The following ANKS1B variants were observed in gnomAD, a reference collection of about 807,000 sequenced individuals.
ANKS1B encodes ankyrin repeat and sterile alpha motif domain-containing protein 1B.
Under a neutral mutation model 148.3 loss-of-function variants are expected in ANKS1B, and 36 were observed. That is an observed-to-expected ratio of 0.24 (90% CI 0.19 to 0.32). The LOEUF (loss-of-function observed/expected upper bound fraction) is 0.32, where lower values mean the gene tolerates loss of function less well. ANKS1B is among the 10% of genes least tolerant of loss of function. ANKS1B has a pLI of 1.00. For synonymous variants in ANKS1B, 542 were observed against 560.8 expected (o/e 0.97, Z 0.47); for missense variants, 1,157 against 1,542.6 (o/e 0.75, Z 4.19).
chr12:99,303,049 G>T (rs536652285), intron 12 of ANKS1B, among the ~76,000 whole-genome samples: 1 of 152,090 alleles, frequency 6.6e-6, no homozygotes, highest in Admixed American at 6.6e-5. Context: ...CTTAGCAAAC[G>T]CACACACCGG....
At chr12:98,910,242 T>C (rs977955280) in intron 17 of ANKS1B, among the ~76,000 whole-genome samples, 1 of 152,210 alleles carries the variant, frequency 6.6e-6, no homozygotes, top group Admixed American at 6.5e-5. Flanking sequence ...AATATACATA[T>C]ATATAGATGT....
At chr12:99,200,500 AT>A (rs770280561) in intron 14 of ANKS1B, among the ~76,000 whole-genome samples, 3 of 152,262 alleles carry the variant, frequency 2.0e-5, no homozygotes, top group East Asian at 1.9e-4. Context: ...TCAAATTATT[AT>A]TTTTTTGTCA....
intron 17 of ANKS1B, among the ~76,000 whole-genome samples, chr12:98,875,641 A>G (rs1161622016): frequency 6.6e-6 from 1 of 151,934 alleles, no homozygotes; most frequent in Non-Finnish European, 1.5e-5. Context: ...TTTCTACTCT[A>G]TCTATAAATG....
intron 17 of ANKS1B, among the ~76,000 whole-genome samples, chr12:98,883,889 T>G (rs11109647): frequency 0.1 from 15,249 of 152,226 alleles, 1,251 homozygotes; most frequent in East Asian, 0.37. Context: ...TAGAATCTGT[T>G]TTTTCGTTTC....
chr12:99,783,662 T>A (rs2064621233), intron 4 of ANKS1B, among the ~76,000 whole-genome samples: 1 of 152,082 alleles, frequency 6.6e-6, no homozygotes, highest in Non-Finnish European at 1.5e-5. Context: ...CTCACATATG[T>A]GTGAGCTAAA....
intron 8 of ANKS1B, among the ~76,000 whole-genome samples, chr12:99,688,073 A>T (rs1043354250): frequency 1.3e-5 from 2 of 152,096 alleles, no homozygotes; most frequent in African/African-American, 4.8e-5. Flanking sequence ...TCTTCTGAGT[A>T]CTCTTCCAGT....
intron 19 of ANKS1B, among the ~76,000 whole-genome samples, chr12:98,809,068 C>G (rs56134670): frequency 0.08 from 12,111 of 152,222 alleles, 1,410 homozygotes; most frequent in African/African-American, 0.26. Context: ...ACAACTGCAT[C>G]TCCACACACC....
intron 12 of ANKS1B, among the ~76,000 whole-genome samples, chr12:99,247,654 T>G (rs1177821251): frequency 6.6e-6 from 1 of 152,200 alleles, no homozygotes; most frequent in African/African-American, 2.4e-5. Flanking sequence ...CCTTTGGATT[T>G]TTTTCTAAGA....
intron 17 of ANKS1B, among the ~76,000 whole-genome samples, chr12:98,895,818 A>G (rs1596474934): frequency 6.6e-6 from 1 of 152,178 alleles, no homozygotes; most frequent in African/African-American, 2.4e-5. Flanking sequence ...TTTCCCCCCA[A>G]AAATTATGCC....
intron 17 of ANKS1B, among the ~76,000 whole-genome samples, chr12:99,023,449 T>C (rs938587841): frequency 2.6e-5 from 4 of 152,124 alleles, no homozygotes; most frequent in African/African-American, 9.7e-5. Flanking sequence ...ATTGTTGTTA[T>C]TGAAAGGTTC....
At chr12:99,843,002 T>C (rs944187592) in intron 1 of ANKS1B, among the ~76,000 whole-genome samples, 12 of 152,142 alleles carry the variant, frequency 7.9e-5, no homozygotes, top group Admixed American at 6.6e-4. Flanking sequence ...AAATTTTCTT[T>C]GTATTTCTAA....
At chr12:98,811,805 G>A (rs561794956) in intron 19 of ANKS1B, among the ~76,000 whole-genome samples, 27 of 152,060 alleles carry the variant, frequency 1.8e-4, no homozygotes, top group Non-Finnish European at 3.4e-4. Flanking sequence ...TTTCTCTTTA[G>A]GGTGTGCAGT....
chr12:99,729,147 T>C (rs2058897052), intron 8 of ANKS1B, among the ~76,000 whole-genome samples: 1 of 152,202 alleles, frequency 6.6e-6, no homozygotes, highest in South Asian at 2.1e-4. Context: ...CATGAAAATA[T>C]GCATAAATTT....
intron 11 of ANKS1B, among the ~76,000 whole-genome samples, chr12:99,411,423 T>C (rs915229502): frequency 1.3e-5 from 2 of 152,224 alleles, no homozygotes; most frequent in East Asian, 1.9e-4. Context: ...ACAGTGTATA[T>C]GTACCACATT....
At position 98,914,400 on chromosome 12, in the gene ANKS1B, A is replaced by G. The variant is rs895562469; in HGVS notation, c.2779-82264T>C. Reference sequence around the variant, plus strand: ...GCCTCAGGCATTTCTTTATAGCAACACAAGAACAGTCTAACACACTTTCAT... The same window carrying G: ...GCCTCAGGCATTTCTTTATAGCAACGCAAGAACAGTCTAACACACTTTCAT... On this transcript the variant is annotated intron_variant, in intron 17 of 26. Transcript: ENST00000683438. Among the ~76,000 whole-genome samples the G allele has an allele frequency of 5.9e-5, 9 of 152,126 alleles. 1 individual carries two copies. Among genetic ancestry groups the G allele is most frequent in the African/African-American group, 2.2e-4 (9 of 41,430 alleles).
chr12:99,655,954 C>T (rs933841075), intron 8 of ANKS1B, among the ~76,000 whole-genome samples: 1 of 152,050 alleles, frequency 6.6e-6, no homozygotes, highest in African/African-American at 2.4e-5. Context: ...GGACTGGCTA[C>T]CTGTGAAGGT....
chr12:99,352,610 A>C (rs1156263078), intron 12 of ANKS1B, among the ~76,000 whole-genome samples: 1 of 152,058 alleles, frequency 6.6e-6, no homozygotes, highest in African/African-American at 2.4e-5. Flanking sequence ...GTTGCATACA[A>C]TACAAAAAGA....
At chr12:99,600,710 G>GAA (rs1414326618) in intron 9 of ANKS1B, among the ~76,000 whole-genome samples, 1 of 151,788 alleles carries the variant, frequency 6.6e-6, no homozygotes, top group Admixed American at 6.6e-5. Context: ...AACTTAACTG[G>GAA]GTCAAAAATT....
At position 99,198,986 on chromosome 12, in the gene ANKS1B, C is replaced by T. The variant is rs1261569212; in HGVS notation, c.2420-44591G>A. 3.9e-5 allele frequency among the ~76,000 whole-genome samples: 6 copies of T among 152,134 alleles called. No individual in the cohort carries two copies. In the East Asian group the frequency reaches 7.7e-4, roughly 20 times the overall value. The stretch of plus-strand genomic sequence containing the variant: ...ATAGATACCATGTTGTGAGGACACT[C>T]GAGCGGTCCTGTGGAGGGGCCCATT... On this transcript the variant is annotated intron_variant, in intron 14 of 26. Coordinates refer to ENST00000683438, the MANE Select transcript of ANKS1B (RefSeq NM_001352186.2).
Sources: gnomAD v4.1 joint callset for allele counts (sites outside exome capture counted in the v4.1 genomes callset) on GRCh38, gnomAD v4.1.1 for gene constraint, MANE v1.5 for transcripts, NCBI Gene and HGNC (gene_info 2026-07-23, HGNC 2026-07-21) for gene names.